LBH: variants seen among roughly 807,000 people sequenced by gnomAD.
The protein encoded by LBH is protein LBH.
Under a neutral mutation model 12.5 loss-of-function variants are expected in LBH, and 7 were observed. The observed-to-expected ratio is 0.56, with a 90% confidence interval of 0.32 to 1.05. The LOEUF is 1.05. LBH is among the 50% of genes least tolerant of loss of function. LBH has a pLI of 0.04. For synonymous variants in LBH, 51 were observed against 50.1 expected, an observed-to-expected ratio of 1.02 and a Z score of -0.08; for missense variants, 119 against 138.9, an observed-to-expected ratio of 0.86 and a Z score of 0.72.
chr2:30,231,694 C>T lies in LBH; in HGVS notation c.-45C>T, dbSNP rs1489915458. 4 of 1,579,192 alleles carry T rather than the reference C, an allele frequency of 2.5e-6. No homozygotes were observed. Among genetic ancestry groups the T allele is most frequent in the African/African-American group, 2.8e-5 (2 of 72,608 alleles). On this transcript the variant is annotated 5_prime_UTR_variant, in exon 1 of 3. Coordinates refer to ENST00000395323, the MANE Select transcript of LBH (RefSeq NM_030915.4). ...TCATCCTCACTCGGGACGCAGGGAC[C>T]GTTTTTAAATCACAGGGGCGTGTGT...
intron 2 of LBH, among the ~76,000 whole-genome samples, chr2:30,250,830 T>TG (rs150792862): frequency 0.045 from 6,864 of 152,066 alleles, 538 homozygotes; most frequent in African/African-American, 0.16. Flanking sequence ...CCTCCACTGT[T>TG]GGTCGGTCAA....
chr2:30,232,122 C>T, intron 1 of LBH: 2 of 1,545,298 alleles, frequency 1.3e-6, no homozygotes, highest in Non-Finnish European at 1.7e-6. Flanking sequence ...CAGGGGGGCT[C>T]CTGCTCTTCC....
At chr2:30,253,455 T>C (rs527377409) in intron 2 of LBH, among the ~76,000 whole-genome samples, 2 of 152,338 alleles carry the variant, frequency 1.3e-5, no homozygotes, top group South Asian at 4.1e-4. Context: ...GGTTCGATTA[T>C]TGTAGTAATT....
At chr2:30,241,671 C>T (rs1677792455) in intron 2 of LBH, among the ~76,000 whole-genome samples, 1 of 152,020 alleles carries the variant, frequency 6.6e-6, no homozygotes, top group Non-Finnish European at 1.5e-5. Flanking sequence ...CCATGTTGGC[C>T]AGGCCGGTCT....
chr2:30,231,611 G>C lies in LBH; in HGVS notation c.-128G>C, dbSNP rs1677585441. The C allele has an allele frequency of 1.1e-5, 10 of 884,498 alleles. No individual in the cohort carries two copies. Among genetic ancestry groups the C allele is most frequent in the East Asian group, 2.8e-5 (1 of 35,276 alleles). 54.8% of individuals were successfully genotyped at this position (884,498 alleles called of 1,614,324 possible). On this transcript the variant is annotated 5_prime_UTR_variant, in exon 1 of 3. Coordinates refer to ENST00000395323, the MANE Select transcript of LBH (RefSeq NM_030915.4). ...AGCCGTGGGGCTGTCCTGGGAAGGC[G>C]GACGGCGAGCGCCCGGTGTCCGCAC...
chr2:30,231,861 G>A, intron 1 of LBH, 97 bp downstream of exon 1: 1 of 1,105,488 alleles, frequency 9.0e-7, no homozygotes, highest in Non-Finnish European at 1.2e-6. Flanking sequence ...AGGGCAGCCG[G>A]CGGCGCGGGC....
At chr2:30,253,441 G>A (rs906463718) in intron 2 of LBH, among the ~76,000 whole-genome samples, 3 of 152,182 alleles carry the variant, frequency 2.0e-5, no homozygotes, top group African/African-American at 7.2e-5. Context: ...ATCTCTGATG[G>A]AAGGGTTCGA....
chr2:30,241,287 G>C (rs1443970254), intron 2 of LBH, among the ~76,000 whole-genome samples: 2 of 152,114 alleles, frequency 1.3e-5, no homozygotes, highest in Admixed American at 1.3e-4. Flanking sequence ...TTAATAAGTG[G>C]TTGTTTTAGA....
At chr2:30,234,308 C>T (rs1470128207) in intron 1 of LBH, 97 bp from the exon 2 acceptor site, 5 of 956,578 alleles carry the variant, frequency 5.2e-6, no homozygotes, top group Non-Finnish European at 8.4e-6. Context: ...CTTCCTGTCT[C>T]CAGACAGTCC....
At chr2:30,234,300 T>G (rs1677642701) in intron 1 of LBH, 105 bp from the exon 2 acceptor site, 1 of 890,882 alleles carries the variant, frequency 1.1e-6, no homozygotes, top group Admixed American at 1.8e-5. Flanking sequence ...ACACCTCTCT[T>G]CCTGTCTCCA....
chr2:30,234,346 A>G (rs1677643385), intron 1 of LBH, 59 bp from the exon 2 acceptor site: 44 of 1,279,388 alleles, frequency 3.4e-5, no homozygotes, highest in Non-Finnish European at 5.0e-5. Flanking sequence ...GAATGCATGA[A>G]GAGTTAGGAA....
intron 2 of LBH, among the ~76,000 whole-genome samples, chr2:30,250,582 T>C (rs1677961892): frequency 6.6e-6 from 1 of 150,942 alleles, no homozygotes; most frequent in Admixed American, 6.6e-5. Context: ...CAGGCATCTC[T>C]CTCCTCTCCC....
In LBH at chr2:30,234,546, T is replaced by C. The variant is rs781475783; in HGVS notation, c.129+39T>C. The C allele has an allele frequency of 7.4e-6, 11 of 1,495,786 alleles. No individual in the cohort carries two copies. In the African/African-American group the frequency reaches 1.4e-4, roughly 19 times the overall value. The allele number at this position is 1,495,786 out of a possible 1,614,324, so 92.7% of individuals were successfully genotyped here. On this transcript the variant is annotated intron_variant, in intron 2 of 2. Coordinates refer to ENST00000395323, the MANE Select transcript of LBH (RefSeq NM_030915.4). Reference sequence around the variant, plus strand: ...GGCTCCCCTCTGACTCTCTAGAGCCTAGTGGTTTTTGCTGGGGGTGAGGAC... The same window carrying C: ...GGCTCCCCTCTGACTCTCTAGAGCCCAGTGGTTTTTGCTGGGGGTGAGGAC...
Position 30,231,551 on chromosome 2 carries a change from G to A in LBH, c.-188G>A, listed in dbSNP as rs1677583849. 3.2e-6 allele frequency: 2 copies of A among 620,852 alleles called. No homozygotes were observed. Among genetic ancestry groups the A allele is most frequent in the South Asian group, 1.8e-5 (1 of 55,628 alleles). 38.5% of individuals were successfully genotyped at this position (620,852 alleles called of 1,614,324 possible). A position where few individuals can be genotyped will look rare whatever the true frequency, so the allele number is the denominator to read the frequency against. ...TTTGTGGGGCTGAGTGCTCAGTGGA[G>A]AGCGGGGAGTTGTGTCCACCTTGCC... On this transcript the variant is annotated 5_prime_UTR_variant, in exon 1 of 3. Coordinates refer to ENST00000395323, the MANE Select transcript of LBH (RefSeq NM_030915.4).
At chr2:30,247,187 G>A (rs1386205274) in intron 2 of LBH, among the ~76,000 whole-genome samples, 1 of 152,074 alleles carries the variant, frequency 6.6e-6, no homozygotes, top group East Asian at 1.9e-4. Flanking sequence ...TGACCTTTTT[G>A]TACACTAAAA....
rs1222123906 is a variant in LBH at position 30,232,411 on chromosome 2, G to T, written c.26+647G>T. The T allele has an allele frequency of 3.4e-5, 24 of 714,058 alleles. 1 individual carries two copies. In the South Asian group the frequency reaches 4.4e-4, roughly 13 times the overall value. 44.2% of individuals were successfully genotyped at this position (714,058 alleles called of 1,614,324 possible). On this transcript the variant is annotated intron_variant, in intron 1 of 2. Transcript: ENST00000395323. ...CCTTCGCCGTGCTGAAGGGGAAGGA[G>T]CCCGGGCCGGGCGCGGGGCGTCGGA... is the stretch of plus-strand genomic sequence containing the variant.
At chr2:30,239,579 G>A (rs376200222) in intron 2 of LBH, among the ~76,000 whole-genome samples, 69 of 152,306 alleles carry the variant, frequency 4.5e-4, no homozygotes, top group African/African-American at 1.7e-3. Flanking sequence ...AAAAATTCCA[G>A]AACATTTGGC....
intron 2 of LBH, among the ~76,000 whole-genome samples, chr2:30,248,396 T>C (rs938194661): frequency 9.2e-5 from 14 of 152,154 alleles, no homozygotes; most frequent in African/African-American, 3.4e-4. Context: ...CCAGGGATGT[T>C]TTTGGAAGCT....
At chr2:30,232,229 G>A in intron 1 of LBH, 1 of 394,638 alleles carries the variant, frequency 2.5e-6, no homozygotes, top group Non-Finnish European at 4.7e-6. Flanking sequence ...GGTTTGCAGA[G>A]CTCCGGGGGG....
Sources: allele counts gnomAD v4.1 joint callset (sites outside exome capture counted in the v4.1 genomes callset), GRCh38; gene constraint gnomAD v4.1.1; transcripts MANE v1.5; gene names NCBI Gene and HGNC (gene_info 2026-07-23, HGNC 2026-07-21).